The following SMC6 variants were observed in gnomAD, a reference collection of about 807,000 sequenced individuals.
The protein encoded by SMC6 is structural maintenance of chromosomes protein 6.
A neutral mutation model predicts 142.2 loss-of-function variants in SMC6; 79 were observed. The observed-to-expected ratio is 0.56, with a 90% CI of 0.46 to 0.67. The LOEUF (loss-of-function observed/expected upper bound fraction) is 0.67, where lower values mean the gene tolerates loss of function less well. Among genes scored for constraint, SMC6 ranks in the 30% least tolerant of loss-of-function variants. The pLI, the probability that SMC6 is intolerant of heterozygous loss-of-function variation, is 0.00. For synonymous variants in SMC6, 411 were observed against 412.4 expected (o/e 1.00, Z 0.04); for missense variants, 1,072 against 1,284.0 (o/e 0.83, Z 2.52).
chr2:17,731,802 T>C lies in SMC6; in HGVS notation c.420A>G (p.Ile140Met), dbSNP rs1476639004. ...CTATGCTGATGTGTTGCTGTATAAG[T>C]ATAGAGTTACCATACACACTGGCTT... ...AFKASVYGNS[I>M]LIQQHISIDG... Residue 140 changes from isoleucine (I) to methionine (M), a missense_variant, in exon 6 of 28, where the codon ATA (isoleucine) becomes ATG (methionine). Transcript: ENST00000448223. 1 of 1,613,828 alleles carries C rather than the reference T, an allele frequency of 6.2e-7. No homozygotes were observed. Among genetic ancestry groups the C allele is most frequent in the Admixed American group, 1.7e-5 (1 of 60,024 alleles).
At chr2:17,669,018 C>T (rs1666635046) in intron 26 of SMC6, among the ~76,000 whole-genome samples, 1 of 152,072 alleles carries the variant, frequency 6.6e-6, no homozygotes, top group Non-Finnish European at 1.5e-5. Context: ...AGGCTATCAC[C>T]ACAGGTATGA....
intron 3 of SMC6, among the ~76,000 whole-genome samples, chr2:17,743,173 C>A (rs1670561802): frequency 6.6e-6 from 1 of 152,064 alleles, no homozygotes; most frequent in East Asian, 1.9e-4. Context: ...TGCCTTTTCA[C>A]CTAAATTTTA....
intron 26 of SMC6, among the ~76,000 whole-genome samples, chr2:17,666,820 CA>C (rs11295692): frequency 0.71 from 102,723 of 144,446 alleles, 36,549 homozygotes; most frequent in East Asian, 0.98. Context: ...CTGTCTCTAC[CA>C]AAAAAAAAAA....
chr2:17,668,446 G>C (rs2103461950), intron 26 of SMC6, among the ~76,000 whole-genome samples: 1 of 152,218 alleles, frequency 6.6e-6, no homozygotes, highest in African/African-American at 2.4e-5. Context: ...AAACATCTCA[G>C]ACATAGCTGA....
chr2:17,678,546 T>C (rs1222332543), intron 25 of SMC6, among the ~76,000 whole-genome samples: 4 of 150,844 alleles, frequency 2.7e-5, no homozygotes, highest in Admixed American at 2.0e-4. Context: ...GGCAGGAGAA[T>C]TGCTTGAGGC....
At chr2:17,747,217 A>AAAAGGCCT in intron 2 of SMC6, among the ~76,000 whole-genome samples, 1 of 152,290 alleles carries the variant, frequency 6.6e-6, no homozygotes, top group South Asian at 2.1e-4. Flanking sequence ...GCCTAGTGGA[A>AAAAGGCCT]AGTCGGGACT....
intron 7 of SMC6, among the ~76,000 whole-genome samples, chr2:17,728,061 C>T (rs1212520412): frequency 1.3e-5 from 2 of 152,088 alleles, no homozygotes; most frequent in Admixed American, 1.3e-4. Flanking sequence ...AAAGCTTCAC[C>T]GAAGTTTATA....
intron 23 of SMC6, among the ~76,000 whole-genome samples, chr2:17,686,992 G>A (rs946952679): frequency 2.5e-4 from 38 of 152,004 alleles, no homozygotes; most frequent in African/African-American, 7.5e-4. Context: ...GTTTAGATTT[G>A]GGTCCTATCT....
Position 17,702,004 on chromosome 2 carries a change from T to C in SMC6, c.2143-95A>G, listed in dbSNP as rs1572290834. On this transcript the variant is annotated intron_variant, in intron 19 of 27. Transcript: ENST00000448223. Reference sequence around the variant, plus strand: ...ATTAATCTACAAAGCTCTATAATGATGATACAGAAGGATTCCATAATTAAT... The same window carrying C: ...ATTAATCTACAAAGCTCTATAATGACGATACAGAAGGATTCCATAATTAAT... The C allele has an allele frequency of 7.6e-6, 5 of 661,898 alleles. No homozygotes were observed. The East Asian group carries it at 1.1e-4, about 15-fold the overall frequency. The allele number at this position is 661,898 out of a possible 1,614,324, so 41.0% of individuals were successfully genotyped here.
chr2:17,734,009 A>G (rs146237710), intron 5 of SMC6, among the ~76,000 whole-genome samples: 432 of 152,328 alleles, frequency 2.8e-3, no homozygotes, highest in African/African-American at 8.9e-3. Flanking sequence ...ACTTTTCACA[A>G]GGAGAGACAG....
rs541803322 is a variant in SMC6 at position 17,672,073 on chromosome 2, A to G, written c.2911-1498T>C. Among the ~76,000 whole-genome samples, 143 of 152,270 alleles carry G rather than the reference A, an allele frequency of 9.4e-4. 1 individual carries two copies. The highest frequency in any genetic ancestry group is 6.6e-4 in the Non-Finnish European group (45 of 68,010). ...CATACTCTAAAATTTTACACCTATC[A>G]TAAGTCTAAACAAACCAAACCAACA... On this transcript the variant is annotated intron_variant, in intron 25 of 27. Coordinates refer to ENST00000448223, the MANE Select transcript of SMC6 (RefSeq NM_001142286.2).
chr2:17,685,869 T>A (rs1212050694), intron 23 of SMC6, among the ~76,000 whole-genome samples: 1 of 151,884 alleles, frequency 6.6e-6, no homozygotes, highest in Non-Finnish European at 1.5e-5. Context: ...ATCTGCAATA[T>A]TTGGCTAATA....
intron 2 of SMC6, among the ~76,000 whole-genome samples, chr2:17,752,358 CAAA>C (rs1270900961): frequency 1.3e-5 from 2 of 151,856 alleles, no homozygotes; most frequent in East Asian, 1.9e-4. Context: ...ATGACAAGAA[CAAA>C]AAAAAGTCTG....
intron 26 of SMC6, 60 bp downstream of exon 26, chr2:17,670,363 A>C (rs1666697634): frequency 6.6e-7 from 1 of 1,524,262 alleles, no homozygotes; most frequent in Non-Finnish European, 8.9e-7. Flanking sequence ...TCCTTCCTTT[A>C]GAAATACATG....
intron 21 of SMC6, 136 bp downstream of exon 21, chr2:17,700,072 C>A: frequency 1.9e-6 from 1 of 513,906 alleles, no homozygotes. Flanking sequence ...AGTTTGGTTC[C>A]CACCATTCTT....
rs566405298 is a variant in SMC6 at position 17,708,449 on chromosome 2, C to T, written c.1845+190G>A. Reference sequence around the variant, plus strand: ...AAGAACAGCTGAAAATTATAAAGTTCCATGGGGCAGAAAACGTACAAATCA... The same window carrying T: ...AAGAACAGCTGAAAATTATAAAGTTTCATGGGGCAGAAAACGTACAAATCA... On this transcript the variant is annotated intron_variant, in intron 17 of 27. Transcript: ENST00000448223. Among the ~76,000 whole-genome samples, 5 of 152,150 alleles carry T rather than the reference C, an allele frequency of 3.3e-5. No individual in the cohort carries two copies. In the South Asian group the frequency reaches 1.0e-3, roughly 32 times the overall value.
intron 23 of SMC6, among the ~76,000 whole-genome samples, chr2:17,689,385 T>TA: frequency 6.6e-6 from 1 of 152,236 alleles, no homozygotes; most frequent in Non-Finnish European, 1.5e-5. Context: ...GGAACTGGAC[T>TA]ACAGGTATCA....
At chr2:17,669,999 T>C (rs921964597) in intron 26 of SMC6, among the ~76,000 whole-genome samples, 10 of 152,242 alleles carry the variant, frequency 6.6e-5, no homozygotes, top group African/African-American at 2.2e-4. Context: ...TTATGTTCTG[T>C]ACATTGTTCT....
At chr2:17,717,314 A>AT in intron 12 of SMC6, 138 bp from the exon 13 acceptor site, 3 of 553,626 alleles carry the variant, frequency 5.4e-6, no homozygotes. Flanking sequence ...GCCATTTGAA[A>AT]CCATTACATT....
Sources: allele counts gnomAD v4.1 joint callset (sites outside exome capture counted in the v4.1 genomes callset), GRCh38; gene constraint gnomAD v4.1.1; transcripts MANE v1.5; gene names NCBI Gene and HGNC (gene_info 2026-07-23, HGNC 2026-07-21).